The following ASH1L variants were observed in gnomAD, a reference collection of about 807,000 sequenced individuals.
ASH1L encodes the protein ASH1 like histone lysine methyltransferase, also known as histone-lysine N-methyltransferase ASH1L.
ASH1L carries 23 observed loss-of-function variants against 269.0 expected under a neutral mutation model. The ratio of observed to expected loss-of-function variants is 0.09; its 90% CI spans 0.06 to 0.12. ASH1L has a LOEUF of 0.12. Ranked by LOEUF, ASH1L falls within the 10% of genes least tolerant of loss-of-function variation. ASH1L has a pLI of 1.00. For missense variants in ASH1L, 2,912 were observed against 3,567.8 expected, an observed-to-expected ratio of 0.82 and a Z score of 4.68; for synonymous variants, 1,187 against 1,253.5, an observed-to-expected ratio of 0.95 and a Z score of 1.12.
chr1:155,434,316 G>C, intron 5 of ASH1L: 3 of 1,557,168 alleles, frequency 1.9e-6, no homozygotes, highest in Non-Finnish European at 2.6e-6. Context: ...GCTAGGGAAA[G>C]AGAACCTGGA....
In ASH1L at chr1:155,485,299, CCTCT is replaced by C. The variant is rs370638585; in HGVS notation, c.421-2854_421-2851del. On this transcript the variant is annotated intron_variant, in intron 2 of 27. Coordinates refer to ENST00000392403, the MANE Select transcript of ASH1L (RefSeq NM_018489.3). The stretch of plus-strand genomic sequence containing the variant: ...AAAACCAAATACCAAAGAACCTCTA[CCTCT>C]CTATTTTTTATTTTTATTTTTATTT... Among the ~76,000 whole-genome samples, 88 of 151,462 alleles carry C rather than the reference CCTCT, an allele frequency of 5.8e-4. 1 individual carries two copies. The South Asian group carries it at 0.017, about 29-fold the overall frequency.
chr1:155,488,303 T>C (rs1425961421), intron 2 of ASH1L, among the ~76,000 whole-genome samples: 1 of 152,008 alleles, frequency 6.6e-6, no homozygotes, highest in Non-Finnish European at 1.5e-5. Context: ...TAATTTGATG[T>C]TGGTTTCAAA....
chr1:155,438,288 G>GT, intron 5 of ASH1L, 39 bp downstream of exon 5: 1 of 1,498,562 alleles, frequency 6.7e-7, no homozygotes, highest in Non-Finnish European at 8.9e-7. Flanking sequence ...TTCAAAGCTA[G>GT]TTTCCTCTAC....
intron 1 of ASH1L, among the ~76,000 whole-genome samples, chr1:155,560,304 A>C (rs1001870218): frequency 3.9e-5 from 6 of 152,328 alleles, no homozygotes; most frequent in East Asian, 1.9e-4. Context: ...AAGTGACCCC[A>C]AAAAATTTTA....
chr1:155,478,478 A>G lies in ASH1L; in HGVS notation c.4392T>C (p.Ser1464=), dbSNP rs752604628. ...TTSRTPLLSM[S]TYPSVPPEMA... ...TCTCAGGAGGAACACTGGGGTAGGT[A>G]CTCATGGAAAGGAGGGGAGTCCTGC... The change falls in exon 3 of 28, where the codon AGT becomes AGC. Residue 1464 remains serine, a synonymous_variant. Coordinates refer to ENST00000392403, the MANE Select transcript of ASH1L (RefSeq NM_018489.3). The surrounding 1 kb of genome is among the most constrained non-coding windows in gnomAD (Gnocchi z 4.6). 6.2e-7 allele frequency: 1 copy of G among 1,614,008 alleles called. No homozygotes were observed. Among genetic ancestry groups the G allele is most frequent in the South Asian group, 1.1e-5 (1 of 91,074 alleles).
chr1:155,488,278 A>C (rs1666464333), intron 2 of ASH1L, among the ~76,000 whole-genome samples: 1 of 152,114 alleles, frequency 6.6e-6, no homozygotes, highest in African/African-American at 2.4e-5. Context: ...TCTATGACTA[A>C]ATAAGGCACA....
chr1:155,453,098 A>C (rs1663609434), intron 4 of ASH1L, among the ~76,000 whole-genome samples: 1 of 152,086 alleles, frequency 6.6e-6, no homozygotes, highest in African/African-American at 2.4e-5. Context: ...CTCAGGCCTG[A>C]AATCCCAGCA....
intron 1 of ASH1L, among the ~76,000 whole-genome samples, chr1:155,557,932 T>C (rs1671710640): frequency 6.6e-6 from 1 of 152,180 alleles, no homozygotes; most frequent in Non-Finnish European, 1.5e-5. Flanking sequence ...TGAGGTTGTA[T>C]ACTACCTTTA....
chr1:155,508,571 C>T (rs756938785), intron 2 of ASH1L, among the ~76,000 whole-genome samples: 1 of 152,110 alleles, frequency 6.6e-6, no homozygotes, highest in Non-Finnish European at 1.5e-5. Flanking sequence ...CCCCAGAAGG[C>T]GGAGATTGCA....
chr1:155,434,525 A>T (rs1329760970), intron 5 of ASH1L, among the ~76,000 whole-genome samples: 5 of 151,752 alleles, frequency 3.3e-5, no homozygotes, highest in African/African-American at 7.3e-5. Context: ...AAAAAAAAAA[A>T]AATTGAAAAG....
At chr1:155,534,584 C>T (rs1669922112) in intron 1 of ASH1L, among the ~76,000 whole-genome samples, 1 of 151,516 alleles carries the variant, frequency 6.6e-6, no homozygotes, top group Admixed American at 6.6e-5. Flanking sequence ...CTTTGTGGGG[C>T]CAATATTCTA....
At chr1:155,443,712 G>A (rs779084267) in intron 4 of ASH1L, among the ~76,000 whole-genome samples, 3 of 151,996 alleles carry the variant, frequency 2.0e-5, no homozygotes, top group Non-Finnish European at 4.4e-5. Context: ...TTTATTGTAC[G>A]GCTTCATTCA....
intron 1 of ASH1L, among the ~76,000 whole-genome samples, chr1:155,546,168 A>AC (rs1328580604): frequency 2.7e-5 from 4 of 150,614 alleles, no homozygotes; most frequent in East Asian, 1.9e-4. Flanking sequence ...CAAAAAAAAA[A>AC]AAAAAAACAA....
Position 155,347,714 on chromosome 1 carries a change from C to T in ASH1L, c.7745G>A (p.Arg2582His), listed in dbSNP as rs765267099. Reference sequence around the variant, plus strand: ...ATCCTTGTAGAGGCCACAGATACAGCGAATAACATCGTCGTCCTTCTCATG... The same window carrying T: ...ATCCTTGTAGAGGCCACAGATACAGTGAATAACATCGTCGTCCTTCTCATG... ...NGHEKDDDVI[R>H]CICGLYKDEG... Residue 2582 changes from arginine (R) to histidine (H), a missense_variant, in exon 20 of 28, where the codon CGC becomes CAC. Arg to His is a conservative substitution (Grantham distance 29, BLOSUM62 0). This residue lies in a region of ASH1L where 309 missense variants were observed against 435.1 expected (regional missense o/e 0.71). Transcript: ENST00000392403. The T allele has an allele frequency of 8.1e-6, 13 of 1,614,196 alleles. No individual in the cohort carries two copies. The highest frequency in any genetic ancestry group is 2.2e-5 in the East Asian group (1 of 44,890).
chr1:155,480,718 G>A lies in ASH1L; in HGVS notation c.2152C>T (p.Arg718Trp). ...PLKKRKGRKP[R>W]WTKVVARSTC... Reference sequence around the variant, plus strand: ...CTTCTTGCCACCACTTTAGTCCACCGAGGTTTTCTTCCTTTTCTTTTTTTT... The same window carrying A: ...CTTCTTGCCACCACTTTAGTCCACCAAGGTTTTCTTCCTTTTCTTTTTTTT... Residue 718 changes from arginine (R) to tryptophan (W), a missense_variant, in exon 3 of 28, where the codon CGG (arginine) becomes TGG (tryptophan). Transcript: ENST00000392403. 1.2e-6 allele frequency: 2 copies of A among 1,613,526 alleles called. No individual in the cohort carries two copies. Among genetic ancestry groups the A allele is most frequent in the South Asian group, 1.1e-5 (1 of 91,024 alleles).
intron 1 of ASH1L, among the ~76,000 whole-genome samples, chr1:155,543,400 A>G (rs1670572272): frequency 6.6e-6 from 1 of 150,792 alleles, no homozygotes; most frequent in Non-Finnish European, 1.5e-5. Context: ...CGTCCCAGCT[A>G]CTTAGAGGGT....
intron 5 of ASH1L, among the ~76,000 whole-genome samples, chr1:155,416,862 T>C (rs909008594): frequency 6.7e-5 from 10 of 150,336 alleles, no homozygotes; most frequent in African/African-American, 2.4e-4. Flanking sequence ...TTCCTTTTCT[T>C]CCTTTCCTTC....
chr1:155,562,169 G>A lies in ASH1L; in HGVS notation c.-116C>T, dbSNP rs1672029358. On this transcript the variant is annotated 5_prime_UTR_variant, in exon 1 of 28. Coordinates refer to ENST00000392403, the MANE Select transcript of ASH1L (RefSeq NM_018489.3). ...TCTACTCACCGTGTCGGAGGCCGAG[G>A]CCGAGGCCGAGAGCGATGAGAGTGC... 21 of 1,592,942 alleles carry A rather than the reference G, an allele frequency of 1.3e-5. No homozygotes were observed. Among genetic ancestry groups the A allele is most frequent in the Non-Finnish European group, 1.7e-5 (20 of 1,163,968 alleles).
At position 155,439,032 on chromosome 1, in the gene ASH1L, G is replaced by A; in HGVS notation, c.5123C>T (p.Ala1708Val). The A allele has an allele frequency of 1.2e-6, 2 of 1,612,038 alleles. No homozygotes were observed. The highest frequency in any genetic ancestry group is 1.7e-6 in the Non-Finnish European group (2 of 1,179,066). ...ACTATCCACAGAGTCATCCCCAGAA[G>A]CAACTAATCTTGGACTTCGAGAGGG... ...GVPSRSPRLVASGDDSVDSLL... is the reference protein window; with the variant it reads ...GVPSRSPRLVVSGDDSVDSLL... Residue 1708 changes from alanine to valine, a missense_variant, in exon 5 of 28, where the codon GCT becomes GTT. Ala to Val is a moderately conservative substitution (Grantham distance 64). This residue lies in a region of ASH1L where 789 missense variants were observed against 897.6 expected (regional missense o/e 0.88). Coordinates refer to ENST00000392403, the MANE Select transcript of ASH1L (RefSeq NM_018489.3).
Sources: gnomAD v4.1 joint callset for allele counts (sites outside exome capture counted in the v4.1 genomes callset) on GRCh38, gnomAD v4.1.1 for gene constraint, gnomAD v4.1.1 regional missense constraint, Gnocchi (gnomAD v3.1) non-coding constraint, MANE v1.5 for transcripts, NCBI Gene and HGNC (gene_info 2026-07-23, HGNC 2026-07-21) for gene names.